VPS13B: variants seen among roughly 807,000 people sequenced by gnomAD.
VPS13B encodes vacuolar protein sorting 13 homolog B.
Under a neutral mutation model 426.4 loss-of-function variants are expected in VPS13B, and 285 were observed. That is an observed-to-expected ratio of 0.67 (90% CI 0.61 to 0.74). The LOEUF (loss-of-function observed/expected upper bound fraction) is 0.74. Among genes scored for constraint, VPS13B ranks in the 30% least tolerant of loss-of-function variants. VPS13B has a pLI of 0.00. For missense variants in VPS13B, 4,537 were observed against 4,782.6 expected (o/e 0.95, Z 1.51); for synonymous variants, 1,676 against 1,676.4 (o/e 1.00, Z 0.01).
intron 23 of VPS13B, among the ~76,000 whole-genome samples, chr8:99,448,574 T>C (rs996548198): frequency 5.3e-5 from 8 of 152,178 alleles, no homozygotes; most frequent in African/African-American, 1.9e-4. Context: ...GAAAACTGAT[T>C]TGGAGGTTTA....
intron 33 of VPS13B, among the ~76,000 whole-genome samples, chr8:99,606,584 G>A (rs950771084): frequency 1.3e-5 from 2 of 150,450 alleles, no homozygotes; most frequent in Non-Finnish European, 3.0e-5. Flanking sequence ...GGCCATAGGG[G>A]AGAATCCATT....
At chr8:99,859,912 G>A (rs1289475988) in intron 57 of VPS13B, among the ~76,000 whole-genome samples, 2 of 152,180 alleles carry the variant, frequency 1.3e-5, no homozygotes, top group Non-Finnish European at 1.5e-5. Flanking sequence ...GCGGATTTGG[G>A]GGTGAAACAG....
At chr8:99,614,547 G>A (rs1025662082) in intron 33 of VPS13B, among the ~76,000 whole-genome samples, 2 of 151,916 alleles carry the variant, frequency 1.3e-5, no homozygotes, top group African/African-American at 4.8e-5. Flanking sequence ...CAAAGTGCTG[G>A]GATTACAGGC....
chr8:99,457,250 T>C (rs2133477940), intron 23 of VPS13B, among the ~76,000 whole-genome samples: 1 of 152,264 alleles, frequency 6.6e-6, no homozygotes, highest in Admixed American at 6.5e-5. Context: ...CAGGCTGGTC[T>C]TGAACTCCTG....
intron 3 of VPS13B, among the ~76,000 whole-genome samples, chr8:99,048,474 T>A (rs186265005): frequency 3.0e-4 from 46 of 152,276 alleles, no homozygotes; most frequent in Non-Finnish European, 6.2e-4. Context: ...GTTATTGTGT[T>A]GCTGTCTATC....
In VPS13B at chr8:99,642,287, C is replaced by T. The variant is rs1468621258; in HGVS notation, c.5697C>T (p.Ser1899=). 4 of 1,613,968 alleles carry T rather than the reference C, an allele frequency of 2.5e-6. No homozygotes were observed. Among genetic ancestry groups the T allele is most frequent in the Non-Finnish European group, 3.4e-6 (4 of 1,180,012 alleles). The change falls in exon 34 of 62, where the codon TCC becomes TCT. Residue 1899 remains serine (S), a synonymous_variant. Coordinates refer to ENST00000357162, the MANE Select transcript of VPS13B (RefSeq NM_152564.5). ...GVLSLESLHA[S]TRSSARQALG... The stretch of plus-strand genomic sequence containing the variant: ...TCTCTCTTGAAAGTCTTCATGCATC[C>T]ACAAGGTCATCTGCTAGACAAGCAC...
intron 3 of VPS13B, among the ~76,000 whole-genome samples, chr8:99,076,064 A>G (rs1454392074): frequency 6.6e-6 from 1 of 151,932 alleles, no homozygotes; most frequent in Non-Finnish European, 1.5e-5. Context: ...TTGTATTTCT[A>G]TTTTTGTTTA....
chr8:99,275,034 G>A (rs2132997946), intron 18 of VPS13B, 47 bp from the exon 19 acceptor site: 2 of 1,470,572 alleles, frequency 1.4e-6, no homozygotes, highest in African/African-American at 1.4e-5. Flanking sequence ...ATTCTCAAGT[G>A]ACTCATGTTT....
chr8:99,447,160 C>A (rs1817961300), intron 23 of VPS13B, among the ~76,000 whole-genome samples: 1 of 152,096 alleles, frequency 6.6e-6, no homozygotes, highest in Non-Finnish European at 1.5e-5. Context: ...TGTTTTGAAG[C>A]CTGGCCTGAA....
chr8:99,292,460 A>G (rs1323923720), intron 19 of VPS13B, among the ~76,000 whole-genome samples: 2 of 152,248 alleles, frequency 1.3e-5, no homozygotes, highest in South Asian at 2.1e-4. Context: ...TTTGTCATCT[A>G]CTAGGTTTTT....
intron 16 of VPS13B, 146 bp from the exon 17 acceptor site, chr8:99,192,730 T>C (rs1813671181): frequency 4.1e-6 from 3 of 728,870 alleles, no homozygotes; most frequent in South Asian, 3.7e-5. Flanking sequence ...GTTAGCAGAA[T>C]TGCATATCTA....
At chr8:99,675,066 C>G (rs1314301143) in intron 35 of VPS13B, among the ~76,000 whole-genome samples, 4 of 151,738 alleles carry the variant, frequency 2.6e-5, no homozygotes. Flanking sequence ...GCGTTATTAT[C>G]ATCCTTTTCT....
At chr8:99,695,712 A>T (rs922504754) in intron 35 of VPS13B, among the ~76,000 whole-genome samples, 3 of 148,180 alleles carry the variant, frequency 2.0e-5, no homozygotes, top group African/African-American at 7.5e-5. Flanking sequence ...AAAAAAAAAA[A>T]CTCCATACCA....
At chr8:99,044,060 ATTTCTTTTTTTTTTTCTTTC>A (rs1474488452) in intron 3 of VPS13B, among the ~76,000 whole-genome samples, 3 of 106,454 alleles carry the variant, frequency 2.8e-5, no homozygotes, top group Non-Finnish European at 6.1e-5. Flanking sequence ...TAACCACATC[ATTTCTTTTTTTTTTTCTTTC>A]TTTCTTTTTT....
intron 30 of VPS13B, among the ~76,000 whole-genome samples, chr8:99,524,666 C>T (rs1001279235): frequency 1.2e-4 from 18 of 152,252 alleles, no homozygotes; most frequent in African/African-American, 3.1e-4. Context: ...TGGTGGCACA[C>T]GCCTGTAGTC....
chr8:99,082,232 A>G (rs950387853), intron 3 of VPS13B, among the ~76,000 whole-genome samples: 1 of 152,072 alleles, frequency 6.6e-6, no homozygotes, highest in African/African-American at 2.4e-5. Context: ...GTATGTTTTC[A>G]TGTGTCTTTT....
At chr8:99,360,186 CTT>C (rs869291255) in intron 19 of VPS13B, among the ~76,000 whole-genome samples, 508 of 32,646 alleles carry the variant, frequency 0.016, no homozygotes, top group African/African-American at 0.03. Flanking sequence ...TTCTTTCTTT[CTT>C]TCTCTCTCTC....
At chr8:99,404,698 A>G (rs1815234021) in intron 21 of VPS13B, among the ~76,000 whole-genome samples, 1 of 152,214 alleles carries the variant, frequency 6.6e-6, no homozygotes, top group South Asian at 2.1e-4. Flanking sequence ...TGATGAGTGT[A>G]AAATATAAAT....
Position 99,559,887 on chromosome 8 carries a change from T to C in VPS13B, c.4949+3234T>C, listed in dbSNP as rs557774597. Among the ~76,000 whole-genome samples, 8 of 152,254 alleles carry C rather than the reference T, an allele frequency of 5.3e-5. No homozygotes were observed. In the South Asian group the frequency reaches 8.3e-4, roughly 16 times the overall value. On this transcript the variant is annotated intron_variant, in intron 31 of 61. Coordinates refer to ENST00000357162, the MANE Select transcript of VPS13B (RefSeq NM_152564.5). ...TTTGCTTAGGATTGACTTGGCAATGTGGGCTCTTTTTTGGTTCCATATGAA... is the reference window on the plus strand; with the variant it reads ...TTTGCTTAGGATTGACTTGGCAATGCGGGCTCTTTTTTGGTTCCATATGAA...
Sources: gnomAD v4.1 joint callset for allele counts (sites outside exome capture counted in the v4.1 genomes callset) on GRCh38, gnomAD v4.1.1 for gene constraint, MANE v1.5 for transcripts, NCBI Gene and HGNC (gene_info 2026-07-23, HGNC 2026-07-21) for gene names.